The following PDE1C variants were observed in gnomAD, a reference collection of about 807,000 sequenced individuals.
PDE1C encodes phosphodiesterase 1C.
In PDE1C, 62 loss-of-function variants were observed where a neutral mutation model predicts 93.1. The ratio of observed to expected loss-of-function variants is 0.67; its 90% confidence interval spans 0.54 to 0.82. The LOEUF is 0.82. PDE1C is among the 40% of genes least tolerant of loss of function. PDE1C has a pLI of 0.00. For missense variants in PDE1C, 742 were observed against 884.6 expected, an observed-to-expected ratio of 0.84 and a Z score of 2.04; for synonymous variants, 325 against 310.1, an observed-to-expected ratio of 1.05 and a Z score of -0.50.
At chr7:31,716,854 T>G in the PDE1C span, among the ~76,000 whole-genome samples, 2 of 152,304 alleles carry the variant, frequency 1.3e-5, no homozygotes, top group Admixed American at 1.3e-4. Flanking sequence ...GTGGGCATGT[T>G]GACACTGCCA....
At chr7:31,771,796 G>T (rs1315003084) in intron 17 of PDE1C, among the ~76,000 whole-genome samples, 1 of 152,022 alleles carries the variant, frequency 6.6e-6, no homozygotes, top group African/African-American at 2.4e-5. Flanking sequence ...CTAATTTCAA[G>T]TAGAAGATAC....
At chr7:31,986,947 C>CACACACACACAT (rs1337455961) in intron 2 of PDE1C, among the ~76,000 whole-genome samples, 3 of 144,692 alleles carry the variant, frequency 2.1e-5, no homozygotes, top group African/African-American at 7.7e-5. Flanking sequence ...CACACACACA[C>CACACACACACAT]ACACACACAT....
intron 2 of PDE1C, chr7:32,170,102 C>A: frequency 1.4e-6 from 1 of 717,286 alleles, no homozygotes. Context: ...GAGTTGTAAC[C>A]AGGAATTTTT....
intron 1 of PDE1C, among the ~76,000 whole-genome samples, chr7:32,239,675 T>G (rs1808397977): frequency 6.6e-6 from 1 of 152,156 alleles, no homozygotes; most frequent in African/African-American, 2.4e-5. Context: ...TAGCATCAAA[T>G]TAAGTATAGC....
At chr7:31,865,131 A>G in intron 6 of PDE1C, 49 bp from the exon 7 acceptor site, 4 of 1,603,870 alleles carry the variant, frequency 2.5e-6, no homozygotes, top group African/African-American at 2.7e-5. Context: ...ACTGCTTTCA[A>G]TGGAGACACA....
At chr7:32,246,656 C>G (rs772725511) in intron 1 of PDE1C, among the ~76,000 whole-genome samples, 1 of 152,166 alleles carries the variant, frequency 6.6e-6, no homozygotes, top group African/African-American at 2.4e-5. Flanking sequence ...AGCAGGGAAG[C>G]ATGTTCATGA....
chr7:31,660,695 T>C, the PDE1C span, among the ~76,000 whole-genome samples: 1 of 152,190 alleles, frequency 6.6e-6, no homozygotes, highest in African/African-American at 2.4e-5. Flanking sequence ...TCTTCATCTT[T>C]TTCCATCATG....
intron 2 of PDE1C, among the ~76,000 whole-genome samples, chr7:31,999,924 C>A (rs1563168803): frequency 6.6e-6 from 1 of 152,098 alleles, no homozygotes; most frequent in Non-Finnish European, 1.5e-5. Flanking sequence ...ACAAGTGCTC[C>A]TAATACAGAT....
chr7:31,908,917 A>T (rs1279530591), intron 2 of PDE1C, among the ~76,000 whole-genome samples: 1 of 152,202 alleles, frequency 6.6e-6, no homozygotes, highest in Non-Finnish European at 1.5e-5. Context: ...CTGGGTGGAA[A>T]GGCCTTAAAG....
chr7:31,716,177 G>A, the PDE1C span, among the ~76,000 whole-genome samples: 2 of 152,090 alleles, frequency 1.3e-5, no homozygotes, highest in African/African-American at 4.8e-5. Context: ...ACATTCAGGG[G>A]CATATAAGTG....
At chr7:32,172,768 G>A (rs1054588694) in intron 2 of PDE1C, among the ~76,000 whole-genome samples, 1 of 149,002 alleles carries the variant, frequency 6.7e-6, no homozygotes, top group Non-Finnish European at 1.5e-5. Flanking sequence ...GTTGCAGTGA[G>A]CCGAGATGGT....
At chr7:31,753,604 T>C in intron 17 of PDE1C, 51 bp from the exon 18 acceptor site, 1 of 1,564,352 alleles carries the variant, frequency 6.4e-7, no homozygotes, top group Non-Finnish European at 8.6e-7. Context: ...ACCCACGACA[T>C]GCCACAACCT....
At chr7:31,652,474 A>G in the PDE1C span, 3 of 1,532,166 alleles carry the variant, frequency 2.0e-6, no homozygotes, top group Non-Finnish European at 2.6e-6. Context: ...TTTGGTGCCA[A>G]TGTGATGTGC....
intron 4 of PDE1C, 126 bp downstream of exon 4, chr7:31,878,870 G>T: frequency 1.1e-6 from 1 of 909,332 alleles, no homozygotes; most frequent in Non-Finnish European, 1.7e-6. Flanking sequence ...AAGACTATCT[G>T]TTTCTACCCA....
exon 3 of PDE1C, chr7:32,169,793 T>C (rs972072163): frequency 6.2e-7 from 1 of 1,612,446 alleles, no homozygotes; most frequent in African/African-American, 1.3e-5. Context: ...ACCTGAAGGA[T>C]GTCTTCACCA....
chr7:32,027,314 A>G (rs1789570025), intron 2 of PDE1C, among the ~76,000 whole-genome samples: 1 of 152,104 alleles, frequency 6.6e-6, no homozygotes, highest in South Asian at 2.1e-4. Flanking sequence ...CTTTTGCTGT[A>G]AACCTAAAAC....
At chr7:32,361,520 G>T (rs543852612) in intron 1 of PDE1C, among the ~76,000 whole-genome samples, 2 of 152,280 alleles carry the variant, frequency 1.3e-5, no homozygotes, top group East Asian at 3.9e-4. Flanking sequence ...ACCTTCCCAC[G>T]CCCTGCGCAC....
At chr7:31,643,032 C>T in the PDE1C span, 8 of 1,614,016 alleles carry the variant, frequency 5.0e-6, no homozygotes, top group Non-Finnish European at 5.9e-6. Context: ...ATGAGGTCAC[C>T]AGACCCACAG....
intron 3 of PDE1C, among the ~76,000 whole-genome samples, chr7:32,149,218 A>C (rs1046807002): frequency 6.6e-6 from 1 of 152,246 alleles, no homozygotes; most frequent in Non-Finnish European, 1.5e-5. Flanking sequence ...TAACATGAAC[A>C]TCGAAGTTAG....
Sources: allele counts gnomAD v4.1 joint callset (sites outside exome capture counted in the v4.1 genomes callset), GRCh38; gene constraint gnomAD v4.1.1; transcripts MANE v1.5; gene names NCBI Gene and HGNC (gene_info 2026-07-23, HGNC 2026-07-21).